Variants in PTGIS observed in about 807,000 individuals in gnomAD.
PTGIS encodes the protein prostacyclin synthase.
Under a neutral mutation model 50.3 loss-of-function variants are expected in PTGIS, and 45 were observed. The observed-to-expected ratio is 0.90, with a 90% CI of 0.70 to 1.15. The LOEUF (loss-of-function observed/expected upper bound fraction) is 1.15. Among genes scored for constraint, PTGIS ranks in the 50% most tolerant of loss-of-function variants. The pLI is 0.00. For missense variants in PTGIS, 668 were observed against 661.3 expected (o/e 1.01, Z -0.11); for synonymous variants, 260 against 267.7 (o/e 0.97, Z 0.28).
intron 3 of PTGIS, among the ~76,000 whole-genome samples, chr20:49,545,163 C>T (rs1003513761): frequency 3.3e-5 from 5 of 151,586 alleles, no homozygotes; most frequent in African/African-American, 1.2e-4. Flanking sequence ...CTCAGCTACT[C>T]GAGAAGCTGA....
intron 1 of PTGIS, among the ~76,000 whole-genome samples, chr20:49,564,717 A>T (rs1982852560): frequency 1.3e-5 from 2 of 152,164 alleles, no homozygotes; most frequent in South Asian, 2.1e-4. Context: ...CACTCCCAGA[A>T]GTAGTGGTGT....
intron 8 of PTGIS, 101 bp downstream of exon 8, chr20:49,512,979 A>G: frequency 6.9e-7 from 1 of 1,444,436 alleles, no homozygotes; most frequent in Admixed American, 1.8e-5. Flanking sequence ...TCACATAGCA[A>G]ACAAAGAGCA....
intron 6 of PTGIS, among the ~76,000 whole-genome samples, chr20:49,515,763 G>A (rs755045313): frequency 1.6e-4 from 25 of 152,190 alleles, no homozygotes; most frequent in Non-Finnish European, 2.9e-4. Context: ...TGTGTGTACC[G>A]ATGTGGGACT....
In PTGIS at chr20:49,507,650, T is replaced by C. The variant is rs1981189609; in HGVS notation, c.*270A>G. 1 of 529,896 alleles carries C rather than the reference T, an allele frequency of 1.9e-6. No individual in the cohort carries two copies. The highest frequency in any genetic ancestry group is 3.1e-5 in the Admixed American group (1 of 31,774). 32.8% of individuals were successfully genotyped at this position (529,896 alleles called of 1,614,324 possible). On this transcript the variant is annotated 3_prime_UTR_variant, in exon 10 of 10. Coordinates refer to ENST00000244043, the MANE Select transcript of PTGIS (RefSeq NM_000961.4). Reference sequence around the variant, plus strand: ...AATAGCATTTGTGGATATCACGAGGTGAGAGTAACGAGGTGAATTGGGAGC... The same window carrying C: ...AATAGCATTTGTGGATATCACGAGGCGAGAGTAACGAGGTGAATTGGGAGC...
chr20:49,534,619 GCAGA>G (rs759113790), intron 5 of PTGIS, among the ~76,000 whole-genome samples: 159 of 152,270 alleles, frequency 1.0e-3, no homozygotes, highest in Non-Finnish European at 1.8e-3. Context: ...ACAGGATTTT[GCAGA>G]CAGACAGACC....
chr20:49,512,002 T>C (rs1409688772), intron 8 of PTGIS, among the ~76,000 whole-genome samples: 1 of 151,960 alleles, frequency 6.6e-6, no homozygotes, highest in Non-Finnish European at 1.5e-5. Context: ...GATGGGTGGA[T>C]AAGTAGAAGA....
At chr20:49,548,541 T>A (rs1176079311) in intron 2 of PTGIS, among the ~76,000 whole-genome samples, 1 of 151,322 alleles carries the variant, frequency 6.6e-6, no homozygotes, top group Admixed American at 6.6e-5. Context: ...GATGAATGGA[T>A]GGGTGGATGG....
rs1475742961 is a variant in PTGIS, at chr20:49,524,236, T to G, written c.677A>C (p.Asp226Ala). The G allele has an allele frequency of 2.4e-5, 39 of 1,613,914 alleles. No homozygotes were observed. The highest frequency in any genetic ancestry group is 3.3e-5 in the Admixed American group (2 of 60,004). ...KLARGSLSVG[D>A]KDHMCSVKSR... ...TTTGACACTGCACATGTGGTCCTTG[T>G]CCCCTGCAGGGACAGAGCACAGAGA... Residue 226 changes from aspartate to alanine, a missense_variant, in exon 6 of 10, where the codon GAC becomes GCC. Physicochemically the swap from Asp to Ala is moderately radical, Grantham distance 126 (BLOSUM62 -2). Coordinates refer to ENST00000244043, the MANE Select transcript of PTGIS (RefSeq NM_000961.4).
intron 5 of PTGIS, among the ~76,000 whole-genome samples, chr20:49,531,181 A>C (rs1981925690): frequency 6.6e-6 from 1 of 152,224 alleles, no homozygotes; most frequent in Non-Finnish European, 1.5e-5. Flanking sequence ...ACGCGAAATA[A>C]TTTTTAAAAT....
intron 5 of PTGIS, among the ~76,000 whole-genome samples, chr20:49,537,621 G>A (rs889533872): frequency 6.6e-6 from 1 of 152,120 alleles, no homozygotes; most frequent in Admixed American, 6.5e-5. Flanking sequence ...CAGGCGTGGT[G>A]GTGCGTGCCT....
intron 9 of PTGIS, among the ~76,000 whole-genome samples, chr20:49,510,827 A>G (rs1981297394): frequency 6.6e-6 from 1 of 152,212 alleles, no homozygotes; most frequent in South Asian, 2.1e-4. Flanking sequence ...GAAATCCGAA[A>G]TCTGGCTTTT....
chr20:49,524,291 C>G (rs1447822169), intron 5 of PTGIS, 52 bp from the exon 6 acceptor site: 6 of 1,588,372 alleles, frequency 3.8e-6, no homozygotes, highest in Non-Finnish European at 5.2e-6. Context: ...CATCCCACAC[C>G]CAGGGCTGGC....
rs971505277 is a variant in PTGIS, at chr20:49,540,510, C to T, written c.522-789G>A. ...GGGCCTGGGCTGTCAGGGCTGGCCA[C>T]GCAAGGCAGGCATTTGCAGCAGTGA... On this transcript the variant is annotated intron_variant, in intron 4 of 9. Transcript: ENST00000244043. This position sits in a 1 kb window ranked among gnomAD's most constrained non-coding sequence, Gnocchi z 4.8. 5.9e-5 allele frequency among the ~76,000 whole-genome samples: 9 copies of T among 152,138 alleles called. No individual in the cohort carries two copies. Among genetic ancestry groups the T allele is most frequent in the African/African-American group, 1.2e-4 (5 of 41,510 alleles).
At chr20:49,509,881 CTT>C (rs11337451) in intron 9 of PTGIS, among the ~76,000 whole-genome samples, 107 of 93,360 alleles carry the variant, frequency 1.1e-3, no homozygotes, top group African/African-American at 4.6e-3. Flanking sequence ...TTCTTTCTTT[CTT>C]TTTTTTTTTT....
At chr20:49,550,583 G>A (rs964828290) in intron 1 of PTGIS, among the ~76,000 whole-genome samples, 1 of 152,228 alleles carries the variant, frequency 6.6e-6, no homozygotes, top group African/African-American at 2.4e-5. Context: ...GGGACTCCAT[G>A]TAGGTGGCCC....
intron 5 of PTGIS, among the ~76,000 whole-genome samples, chr20:49,535,686 T>C (rs2122870634): frequency 6.6e-6 from 1 of 152,296 alleles, no homozygotes; most frequent in South Asian, 2.1e-4. Flanking sequence ...GGCTAATTTT[T>C]TGTATTTTTG....
At chr20:49,513,989 C>T (rs1451697979) in intron 7 of PTGIS, among the ~76,000 whole-genome samples, 1 of 152,216 alleles carries the variant, frequency 6.6e-6, no homozygotes, top group South Asian at 2.1e-4. Flanking sequence ...TTTTTAGTGA[C>T]ATGTCTCAAA....
chr20:49,555,983 GAACT>G (rs1982615551), intron 1 of PTGIS, among the ~76,000 whole-genome samples: 1 of 152,206 alleles, frequency 6.6e-6, no homozygotes. Context: ...TGCATGAACT[GAACT>G]AACAGGAGAT....
chr20:49,508,442 T>C (rs763611626), intron 9 of PTGIS, among the ~76,000 whole-genome samples: 65 of 152,136 alleles, frequency 4.3e-4, no homozygotes, highest in Middle Eastern at 3.4e-3. Context: ...GTGCACAGAG[T>C]GGGGAAGCCC....
Sources: gnomAD v4.1 joint callset for allele counts (sites outside exome capture counted in the v4.1 genomes callset) on GRCh38, gnomAD v4.1.1 for gene constraint, Gnocchi (gnomAD v3.1) non-coding constraint, MANE v1.5 for transcripts, NCBI Gene and HGNC (gene_info 2026-07-23, HGNC 2026-07-21) for gene names.